The following BCAR3 variants were observed in gnomAD, a reference collection of about 807,000 sequenced individuals.
The protein encoded by BCAR3 is breast cancer anti-estrogen resistance protein 3.
Under a neutral mutation model 80.1 loss-of-function variants are expected in BCAR3, and 37 were observed. The observed-to-expected ratio is 0.46, with a 90% CI of 0.36 to 0.61. BCAR3 has a LOEUF of 0.61. Ranked by LOEUF, BCAR3 falls within the 20% of genes least tolerant of loss-of-function variation. BCAR3 has a pLI of 0.00. For missense variants in BCAR3, 978 were observed against 1,068.2 expected, an observed-to-expected ratio of 0.92 and a Z score of 1.18; for synonymous variants, 389 against 418.9, an observed-to-expected ratio of 0.93 and a Z score of 0.87.
At chr1:93,788,876 A>G (rs1387640145) in intron 2 of BCAR3, among the ~76,000 whole-genome samples, 1 of 152,188 alleles carries the variant, frequency 6.6e-6, no homozygotes, top group Non-Finnish European at 1.5e-5. Flanking sequence ...TCAGTAGTAG[A>G]AGGAATTTAG....
intron 2 of BCAR3, among the ~76,000 whole-genome samples, chr1:93,730,286 GA>G (rs1307292544): frequency 6.6e-6 from 1 of 151,744 alleles, no homozygotes; most frequent in African/African-American, 2.4e-5. Flanking sequence ...CCCCTTACCC[GA>G]GCTCTCTGAC....
chr1:93,643,882 T>G (rs1020649183), intron 2 of BCAR3, among the ~76,000 whole-genome samples: 1 of 152,230 alleles, frequency 6.6e-6, no homozygotes, highest in Admixed American at 6.5e-5. Flanking sequence ...ATGTATTCCA[T>G]AGCATCATGT....
intron 2 of BCAR3, among the ~76,000 whole-genome samples, chr1:93,724,761 C>A (rs1312549490): frequency 6.6e-6 from 1 of 152,182 alleles, no homozygotes; most frequent in African/African-American, 2.4e-5. Context: ...GAAGCCGATG[C>A]AATGTCCTTA....
chr1:93,653,526 C>A (rs1266040254), intron 2 of BCAR3, among the ~76,000 whole-genome samples: 1 of 152,222 alleles, frequency 6.6e-6, no homozygotes, highest in Non-Finnish European at 1.5e-5. Flanking sequence ...TCCCATAGTT[C>A]TTGTATTCAG....
chr1:93,751,895 A>G (rs368973164), intron 2 of BCAR3, among the ~76,000 whole-genome samples: 2 of 152,332 alleles, frequency 1.3e-5, no homozygotes, highest in South Asian at 2.1e-4. Context: ...TGGCTCTGGT[A>G]TCTGTGGATG....
intron 2 of BCAR3, among the ~76,000 whole-genome samples, chr1:93,668,530 C>T (rs1417106104): frequency 2.0e-5 from 3 of 152,186 alleles, no homozygotes; most frequent in Non-Finnish European, 4.4e-5. Flanking sequence ...TGCGTTCAAA[C>T]ACCGAGGGGT....
intron 3 of BCAR3, among the ~76,000 whole-genome samples, chr1:93,692,469 T>C (rs1649229039): frequency 6.6e-6 from 1 of 152,226 alleles, no homozygotes; most frequent in Non-Finnish European, 1.5e-5. Context: ...CCAAAGGTTC[T>C]GATGGGGGAA....
At chr1:93,564,880 C>CAAAG (rs1672878923) in intron 11 of BCAR3, among the ~76,000 whole-genome samples, 1 of 152,072 alleles carries the variant, frequency 6.6e-6, no homozygotes, top group Non-Finnish European at 1.5e-5. Flanking sequence ...TGCTTAAGGC[C>CAAAG]AAAGATGTTC....
chr1:93,736,231 A>G (rs1013929349), intron 2 of BCAR3, among the ~76,000 whole-genome samples: 1 of 152,220 alleles, frequency 6.6e-6, no homozygotes, highest in Non-Finnish European at 1.5e-5. Context: ...CTTGTTGCCC[A>G]AGCTGGAGTG....
At chr1:93,803,146 T>C (rs1366054048) in intron 2 of BCAR3, among the ~76,000 whole-genome samples, 2 of 152,132 alleles carry the variant, frequency 1.3e-5, no homozygotes, top group Non-Finnish European at 2.9e-5. Context: ...GAGACCAAAT[T>C]ACATGCCATG....
intron 3 of BCAR3, among the ~76,000 whole-genome samples, chr1:93,614,386 C>T (rs1369236435): frequency 6.6e-6 from 1 of 152,092 alleles, no homozygotes; most frequent in Non-Finnish European, 1.5e-5. Context: ...GTCACTCCAG[C>T]ACCCAGAGGT....
chr1:93,741,633 C>T (rs763748991), intron 2 of BCAR3, among the ~76,000 whole-genome samples: 3 of 152,132 alleles, frequency 2.0e-5, no homozygotes, highest in Non-Finnish European at 2.9e-5. Context: ...TGCAATGGCG[C>T]TATCGGCTCA....
At chr1:93,807,261 A>C (rs1653686580) in intron 2 of BCAR3, among the ~76,000 whole-genome samples, 1 of 152,250 alleles carries the variant, frequency 6.6e-6, no homozygotes. Flanking sequence ...AGAAAAAGAC[A>C]TACAAAATTT....
intron 2 of BCAR3, among the ~76,000 whole-genome samples, chr1:93,734,560 G>A (rs902991598): frequency 2.0e-5 from 3 of 152,146 alleles, no homozygotes; most frequent in African/African-American, 2.4e-5. Flanking sequence ...GGGCAGTGGC[G>A]GTACCTGGGA....
intron 2 of BCAR3, among the ~76,000 whole-genome samples, chr1:93,710,030 C>T (rs1346789542): frequency 6.6e-6 from 1 of 152,186 alleles, no homozygotes; most frequent in Non-Finnish European, 1.5e-5. Context: ...TCTTTAGATT[C>T]TTTGTCACTT....
chr1:93,565,090 C>T (rs1454900914), intron 11 of BCAR3, among the ~76,000 whole-genome samples: 1 of 151,250 alleles, frequency 6.6e-6, no homozygotes, highest in Non-Finnish European at 1.5e-5. Context: ...AACCAAAGGC[C>T]AGATGGTGAC....
At chr1:93,844,706 T>C (rs1007128911) in intron 2 of BCAR3, among the ~76,000 whole-genome samples, 23 of 142,382 alleles carry the variant, frequency 1.6e-4, no homozygotes, top group East Asian at 3.9e-4. Flanking sequence ...CTTTCTTCTT[T>C]TTTTTTTTTT....
chr1:93,735,441 A>G (rs923934963), intron 2 of BCAR3, among the ~76,000 whole-genome samples: 2 of 152,184 alleles, frequency 1.3e-5, no homozygotes, highest in African/African-American at 4.8e-5. Context: ...GAACTTCCCA[A>G]ACATCAGGCA....
chr1:93,621,905 T>G (rs937551733), intron 3 of BCAR3, among the ~76,000 whole-genome samples: 1 of 152,222 alleles, frequency 6.6e-6, no homozygotes, highest in South Asian at 2.1e-4. Flanking sequence ...GGAGTCTCAC[T>G]CTGTCGCCCA....
Sources: gnomAD v4.1 joint callset for allele counts (sites outside exome capture counted in the v4.1 genomes callset) on GRCh38, gnomAD v4.1.1 for gene constraint, MANE v1.5 for transcripts, NCBI Gene and HGNC (gene_info 2026-07-23, HGNC 2026-07-21) for gene names.